Variants in CDH1 observed in about 807,000 individuals in gnomAD.
CDH1 encodes cadherin-1.
In CDH1, 35 loss-of-function variants were observed where a neutral mutation model predicts 84.5. The ratio of observed to expected loss-of-function variants is 0.41; its 90% CI spans 0.32 to 0.55. The LOEUF (loss-of-function observed/expected upper bound fraction) is 0.55, where lower values mean the gene tolerates loss of function less well. CDH1 is among the 20% of genes least tolerant of loss of function. The probability of loss-of-function intolerance (pLI) is 0.19; values close to 1 mark genes in which losing one functional copy is unlikely to be tolerated. For synonymous variants in CDH1, 417 were observed against 439.0 expected (o/e 0.95, Z 0.63); for missense variants, 994 against 1,126.6 (o/e 0.88, Z 1.68).
At chr16:68,827,154 CT>C (rs1448602157) in intron 13 of CDH1, among the ~76,000 whole-genome samples, 3 of 152,046 alleles carry the variant, frequency 2.0e-5, no homozygotes, top group African/African-American at 7.2e-5. Context: ...GCTTGTAGTC[CT>C]ACCTACTTGG....
Position 68,738,431 on chromosome 16 carries a change from G to A in CDH1, c.163+20G>A, listed in dbSNP as rs1057520806. On this transcript the variant is annotated intron_variant, in intron 2 of 15. Transcript: ENST00000261769. ...GCAGAGGTGAGGGCGCGCTGCCGGT[G>A]TCCCTGGGCGGAGTAGGGAGGGGTT... is the stretch of plus-strand genomic sequence containing the variant. The A allele has an allele frequency of 3.3e-5, 50 of 1,507,978 alleles. No individual in the cohort carries two copies. Among genetic ancestry groups the A allele is most frequent in the Non-Finnish European group, 4.2e-5 (47 of 1,109,826 alleles). The allele number at this position is 1,507,978 out of a possible 1,614,324, so 93.4% of individuals were successfully genotyped here. A position where few individuals can be genotyped will look rare whatever the true frequency, so the allele number is the denominator to read the frequency against.
In CDH1 at chr16:68,811,822, G is replaced by C. The variant is rs1060501232; in HGVS notation, c.971G>C (p.Gly324Ala). ...ATGTTCACCATTAACAGGAACACAG[G>C]AGTCATCAGTGTGGTCACCACTGGG... is the stretch of plus-strand genomic sequence containing the variant. ...KNMFTINRNT[G>A]VISVVTTGLD... Residue 324 changes from glycine to alanine, a missense_variant, in exon 7 of 16, where the codon GGA (glycine) becomes GCA (alanine). Physicochemically the swap from Gly to Ala is moderately conservative, Grantham distance 60. Coordinates refer to ENST00000261769, the MANE Select transcript of CDH1 (RefSeq NM_004360.5). The C allele has an allele frequency of 6.2e-7, 1 of 1,614,194 alleles. No individual in the cohort carries two copies. Among genetic ancestry groups the C allele is most frequent in the Non-Finnish European group, 8.5e-7 (1 of 1,180,028 alleles).
chr16:68,775,814 G>A (rs1335003149), intron 2 of CDH1, among the ~76,000 whole-genome samples: 2 of 152,174 alleles, frequency 1.3e-5, no homozygotes, highest in African/African-American at 2.4e-5. Flanking sequence ...TCAAGAAAGT[G>A]TAAACTTAGG....
intron 3 of CDH1, among the ~76,000 whole-genome samples, chr16:68,806,629 C>G (rs928282916): frequency 3.3e-5 from 5 of 152,212 alleles, no homozygotes; most frequent in African/African-American, 9.6e-5. Flanking sequence ...ATACCAGCAT[C>G]TCATTTAATC....
intron 12 of CDH1, 134 bp from the exon 13 acceptor site, chr16:68,823,265 T>C: frequency 1.5e-6 from 1 of 650,012 alleles, no homozygotes; most frequent in Non-Finnish European, 2.7e-6. Flanking sequence ...AGTACATACC[T>C]AAATAAAACC....
chr16:68,810,397 C>CACTTTGGGGT, intron 6 of CDH1, 56 bp downstream of exon 6: 1 of 1,543,996 alleles, frequency 6.5e-7, no homozygotes, highest in Non-Finnish European at 9.0e-7. Context: ...TTCTTTGGAC[C>CACTTTGGGGT]CCAAAGTGTT....
intron 3 of CDH1, among the ~76,000 whole-genome samples, chr16:68,807,062 C>T (rs889010933): frequency 2.0e-5 from 3 of 152,206 alleles, no homozygotes; most frequent in Non-Finnish European, 4.4e-5. Flanking sequence ...GGAAACTTTA[C>T]TGTGTTACCA....
At chr16:68,815,399 G>A in intron 9 of CDH1, 116 bp from the exon 10 acceptor site, 5 of 1,353,780 alleles carry the variant, frequency 3.7e-6, no homozygotes, top group South Asian at 1.3e-5. Flanking sequence ...AGAAACCACA[G>A]TTACTTTTGC....
intron 2 of CDH1, among the ~76,000 whole-genome samples, chr16:68,793,284 G>A (rs1960260873): frequency 6.6e-6 from 1 of 152,198 alleles, no homozygotes; most frequent in Non-Finnish European, 1.5e-5. Context: ...TAGTGTGGCT[G>A]TTGGAATATC....
chr16:68,748,769 T>C (rs1962813381), intron 2 of CDH1, among the ~76,000 whole-genome samples: 1 of 152,244 alleles, frequency 6.6e-6, no homozygotes, highest in Non-Finnish European at 1.5e-5. Flanking sequence ...ACTGTCCCAG[T>C]GGAGGTTTTG....
chr16:68,766,737 C>CT (rs1959400049), intron 2 of CDH1, among the ~76,000 whole-genome samples: 1 of 89,348 alleles, frequency 1.1e-5, no homozygotes, highest in Non-Finnish European at 2.2e-5. Flanking sequence ...TCTAGAACCC[C>CT]CTTTTTTTTT....
chr16:68,761,104 C>A (rs748040945), intron 2 of CDH1, among the ~76,000 whole-genome samples: 4 of 152,192 alleles, frequency 2.6e-5, no homozygotes, highest in Non-Finnish European at 4.4e-5. Flanking sequence ...TCCTACAGGG[C>A]CTTTGAGGCA....
chr16:68,831,484 A>G lies in CDH1; in HGVS notation c.2439+1687A>G, dbSNP rs17715888. On this transcript the variant is annotated intron_variant, in intron 15 of 15. Coordinates refer to ENST00000261769, the MANE Select transcript of CDH1 (RefSeq NM_004360.5). Reference sequence around the variant, plus strand: ...ACATTCATTTTAGCCACTGGAAAAAACAAGAAACAGAAAGAAACCAGTTTA... The same window carrying G: ...ACATTCATTTTAGCCACTGGAAAAAGCAAGAAACAGAAAGAAACCAGTTTA... Among the ~76,000 whole-genome samples the G allele has an allele frequency of 8.5e-3, 1,292 of 151,972 alleles. 53 individuals carry two copies. In the East Asian group the frequency reaches 0.12, roughly 15 times the overall value.
Position 68,822,218 on chromosome 16 carries a change from C to G in CDH1, c.1929C>G (p.Asn643Lys), listed in dbSNP as rs374152504. ...GTGCCAACTGGACCATTCAGTACAA[C>G]GACCCAAGTGGGTACCTGAGTTTTA... The part of the protein sequence containing the change: ...GASANWTIQY[N>K]DPTQESIILK... The change falls in exon 12 of 16, where the codon AAC becomes AAG. Residue 643 changes from asparagine to lysine, a missense_variant. Transcript: ENST00000261769. The G allele has an allele frequency of 1.2e-6, 2 of 1,613,126 alleles. No homozygotes were observed. Among genetic ancestry groups the G allele is most frequent in the Non-Finnish European group, 1.7e-6 (2 of 1,179,132 alleles).
intron 12 of CDH1, 162 bp from the exon 13 acceptor site, chr16:68,823,237 C>CAAA (rs146046879): frequency 8.5e-5 from 45 of 526,958 alleles, no homozygotes; most frequent in African/African-American, 3.0e-4. Context: ...CTTTTTACAG[C>CAAA]AAAAAAAAAA....
At chr16:68,820,019 CA>C (rs1314203336) in intron 11 of CDH1, among the ~76,000 whole-genome samples, 5 of 151,914 alleles carry the variant, frequency 3.3e-5, no homozygotes, top group Non-Finnish European at 7.4e-5. Flanking sequence ...GGTAACATGG[CA>C]AAACCCTGTC....
chr16:68,766,956 ACCTCAAGTGATCTGCCTGT>A (rs1398209858), intron 2 of CDH1, among the ~76,000 whole-genome samples: 8 of 151,726 alleles, frequency 5.3e-5, no homozygotes, highest in African/African-American at 1.9e-4. Flanking sequence ...CGAACTCCTG[ACCTCAAGTGATCTGCCTGT>A]CTCGGCCTCC....
At chr16:68,807,389 G>A (rs770631781) in intron 3 of CDH1, among the ~76,000 whole-genome samples, 1 of 152,178 alleles carries the variant, frequency 6.6e-6, no homozygotes, top group Non-Finnish European at 1.5e-5. Flanking sequence ...TATAAAAGAG[G>A]CTGGGTGCGG....
intron 15 of CDH1, among the ~76,000 whole-genome samples, chr16:68,831,263 T>A (rs1465914373): frequency 1.3e-5 from 2 of 149,640 alleles, no homozygotes; most frequent in Non-Finnish European, 3.0e-5. Flanking sequence ...TTTTTTAATT[T>A]TATTTTTAGT....
Sources: allele counts gnomAD v4.1 joint callset (sites outside exome capture counted in the v4.1 genomes callset), GRCh38; gene constraint gnomAD v4.1.1; transcripts MANE v1.5; gene names NCBI Gene and HGNC (gene_info 2026-07-23, HGNC 2026-07-21).